Variants in GPA33 observed in about 807,000 individuals in gnomAD.
GPA33 encodes the protein cell surface A33 antigen.
Under a neutral mutation model 35.6 loss-of-function variants are expected in GPA33, and 27 were observed. The observed-to-expected ratio is 0.76, with a 90% CI of 0.56 to 1.04. GPA33 has a LOEUF of 1.04. GPA33 is among the 50% of genes least tolerant of loss of function. The pLI is 0.00. For synonymous variants in GPA33, 176 were observed against 164.0 expected, an observed-to-expected ratio of 1.07 and a Z score of -0.56; for missense variants, 428 against 411.9, an observed-to-expected ratio of 1.04 and a Z score of -0.34.
At chr1:167,061,394 A>T (rs1297127514) in intron 4 of GPA33, among the ~76,000 whole-genome samples, 1 of 152,154 alleles carries the variant, frequency 6.6e-6, no homozygotes. Context: ...GGCTGGAGTC[A>T]CTAGACTATT....
At chr1:167,081,706 C>A (rs1030645954) in intron 1 of GPA33, among the ~76,000 whole-genome samples, 1 of 152,218 alleles carries the variant, frequency 6.6e-6, no homozygotes, top group African/African-American at 2.4e-5. Context: ...TCCCGAGCCA[C>A]TTCGGGCAGA....
rs1171302717 is a variant in GPA33 at position 167,069,208 on chromosome 1, A to ACTAC, written c.199-74_199-71dup. On this transcript the variant is annotated intron_variant, in intron 2 of 6. Transcript: ENST00000367868. ...TGCCTGGTGCTTCCAGCCTGCCCTGACTACCCTCATCCCCCAGTTTCCAGG... is the reference window on the plus strand; with the variant it reads ...TGCCTGGTGCTTCCAGCCTGCCCTGACTACCTACCCTCATCCCCCAGTTTCCAGG... The ACTAC allele has an allele frequency of 9.7e-6, 10 of 1,027,250 alleles. No homozygotes were observed. In the African/African-American group the frequency reaches 1.6e-4, roughly 16 times the overall value. 63.6% of individuals were successfully genotyped at this position (1,027,250 alleles called of 1,614,324 possible). A position where few individuals can be genotyped will look rare whatever the true frequency, so the allele number is the denominator to read the frequency against.
At chr1:167,080,148 G>A (rs1365571427) in intron 1 of GPA33, among the ~76,000 whole-genome samples, 1 of 152,074 alleles carries the variant, frequency 6.6e-6, no homozygotes, top group East Asian at 1.9e-4. Context: ...TTTGCCCTGT[G>A]CCCGTCATGC....
At chr1:167,076,903 G>T (rs12076116) in intron 1 of GPA33, among the ~76,000 whole-genome samples, 34,341 of 152,008 alleles carry the variant, frequency 0.23, 4,139 homozygotes, top group Non-Finnish European at 0.27. Flanking sequence ...CACCACCTTC[G>T]TCTATCAGAA....
chr1:167,088,589 T>A (rs1172095525), intron 1 of GPA33, among the ~76,000 whole-genome samples: 1 of 152,156 alleles, frequency 6.6e-6, no homozygotes, highest in East Asian at 1.9e-4. Flanking sequence ...TTCTGCTGGG[T>A]GAGTTCCCCA....
At chr1:167,072,018 A>G (rs1021352247) in intron 2 of GPA33, among the ~76,000 whole-genome samples, 1 of 152,156 alleles carries the variant, frequency 6.6e-6, no homozygotes, top group African/African-American at 2.4e-5. Flanking sequence ...CGCTCCTACA[A>G]GCTAAAGGCA....
chr1:167,081,444 G>A (rs1023587537), intron 1 of GPA33, among the ~76,000 whole-genome samples: 1 of 152,226 alleles, frequency 6.6e-6, no homozygotes, highest in African/African-American at 2.4e-5. Context: ...TCTATGGGCA[G>A]GGAGGCTCTC....
At chr1:167,059,117 G>C (rs977606657) in intron 4 of GPA33, among the ~76,000 whole-genome samples, 1 of 152,100 alleles carries the variant, frequency 6.6e-6, no homozygotes, top group African/African-American at 2.4e-5. Flanking sequence ...GGGGAACATG[G>C]GGTTTCCTAG....
chr1:167,076,685 G>C (rs1011136577), intron 1 of GPA33, among the ~76,000 whole-genome samples: 1 of 152,132 alleles, frequency 6.6e-6, no homozygotes, highest in African/African-American at 2.4e-5. Context: ...GGGAGTATTG[G>C]ATATTGGGAA....
chr1:167,062,789 C>G (rs866031999), intron 4 of GPA33, among the ~76,000 whole-genome samples: 119 of 151,510 alleles, frequency 7.9e-4, no homozygotes, highest in African/African-American at 2.7e-3. Flanking sequence ...CAACATGGTG[C>G]TGTCGTTGTG....
At position 167,068,980 on chromosome 1, in the gene GPA33, G is replaced by A. The variant is rs772238950; in HGVS notation, c.357C>T (p.Val119=). The A allele has an allele frequency of 5.6e-6, 9 of 1,613,854 alleles. No individual in the cohort carries two copies. In the Admixed American group the frequency reaches 6.7e-5, roughly 12 times the overall value. Reference sequence around the variant, plus strand: ...TGCCCTCCAGGTCTGACATCAGCGAGACAGAACACTCGTAGGTGCCGTTGT... The same window carrying A: ...TGCCCTCCAGGTCTGACATCAGCGAAACAGAACACTCGTAGGTGCCGTTGT... ...MADNGTYECS[V]SLMSDLEGNT... is the part of the protein sequence containing the mutation. The change falls in exon 3 of 7, where the codon GTC becomes GTT. Residue 119 remains valine (V), a synonymous_variant. Coordinates refer to ENST00000367868, the MANE Select transcript of GPA33 (RefSeq NM_005814.3).
intron 4 of GPA33, among the ~76,000 whole-genome samples, chr1:167,062,922 C>G (rs933908986): frequency 5.9e-5 from 9 of 152,080 alleles, no homozygotes; most frequent in African/African-American, 2.2e-4. Flanking sequence ...CCGAGTTAGA[C>G]TTGGGGTCTC....
At chr1:167,072,142 T>A (rs1447764944) in intron 2 of GPA33, among the ~76,000 whole-genome samples, 1 of 98,998 alleles carries the variant, frequency 1.0e-5, no homozygotes, top group African/African-American at 5.7e-5. Flanking sequence ...TCTTTCCCCA[T>A]CCGTCCTGCC....
intron 2 of GPA33, among the ~76,000 whole-genome samples, chr1:167,071,564 A>T (rs1571313403): frequency 6.6e-6 from 1 of 152,340 alleles, no homozygotes; most frequent in Non-Finnish European, 1.5e-5. Context: ...GTTGAGGCAG[A>T]CAGCTCTTTC....
chr1:167,078,788 A>G (rs890636431), intron 1 of GPA33: 2 of 152,200 alleles, frequency 1.3e-5, no homozygotes, highest in African/African-American at 4.8e-5. Flanking sequence ...TCTTTACTAT[A>G]CATATAACCA....
chr1:167,056,844 T>G (rs1666309519), intron 4 of GPA33, among the ~76,000 whole-genome samples: 1 of 19,940 alleles, frequency 5.0e-5, no homozygotes, highest in Non-Finnish European at 1.2e-4. Context: ...GTGGTGAGTG[T>G]GTAATGTGTG....
intron 1 of GPA33, chr1:167,082,117 A>G (rs1479262917): frequency 1.3e-5 from 5 of 387,204 alleles, no homozygotes; most frequent in Non-Finnish European, 2.5e-5. Flanking sequence ...CTGCATATAT[A>G]AGGGAATAAA....
intron 1 of GPA33, among the ~76,000 whole-genome samples, chr1:167,084,755 C>G (rs115775036): frequency 0.015 from 2,300 of 152,312 alleles, 43 homozygotes; most frequent in African/African-American, 0.052. Flanking sequence ...GCCAACCCAG[C>G]ATAAAGCATA....
rs917518474 is a variant in GPA33 at position 167,063,818 on chromosome 1, C to A, written c.416-81G>T. On this transcript the variant is annotated intron_variant, in intron 3 of 6. Coordinates refer to ENST00000367868, the MANE Select transcript of GPA33 (RefSeq NM_005814.3). ...CCACCCACCCCTCCCCACCCACCCC[C>A]CACACACATATACTGCCTTGTTTGT... 4.8e-6 allele frequency: 5 copies of A among 1,033,952 alleles called. No individual in the cohort carries two copies. The African/African-American group carries it at 6.4e-5, about 13-fold the overall frequency. The allele number at this position is 1,033,952 out of a possible 1,614,324, so 64.0% of individuals were successfully genotyped here. A position where few individuals can be genotyped will look rare whatever the true frequency, so the allele number is the denominator to read the frequency against.
Sources: gnomAD v4.1 joint callset for allele counts (sites outside exome capture counted in the v4.1 genomes callset) on GRCh38, gnomAD v4.1.1 for gene constraint, MANE v1.5 for transcripts, NCBI Gene and HGNC (gene_info 2026-07-23, HGNC 2026-07-21) for gene names.